Variants in TCN2 observed in about 807,000 individuals in gnomAD.
The protein encoded by TCN2 is transcobalamin-2.
TCN2 carries 34 observed loss-of-function variants against 48.6 expected under a neutral mutation model. The ratio of observed to expected loss-of-function variants is 0.70; its 90% CI spans 0.53 to 0.93. TCN2 has a LOEUF of 0.93. Among genes scored for constraint, TCN2 ranks in the 40% least tolerant of loss-of-function variants. TCN2 has a pLI of 0.00. For synonymous variants in TCN2, 283 were observed against 212.5 expected (o/e 1.33, Z -2.89); for missense variants, 652 against 526.1 (o/e 1.24, Z -2.34).
At chr22:30,609,506 C>T (rs901181426) in intron 1 of TCN2, among the ~76,000 whole-genome samples, 2 of 151,976 alleles carry the variant, frequency 1.3e-5, no homozygotes, top group Non-Finnish European at 2.9e-5. Flanking sequence ...GCTGACTCAT[C>T]GTGCTGGAAG....
chr22:30,618,093 G>A (rs1161791889), intron 7 of TCN2, among the ~76,000 whole-genome samples: 4 of 149,156 alleles, frequency 2.7e-5, no homozygotes, highest in African/African-American at 9.9e-5. Flanking sequence ...CTATAGGCAC[G>A]TGCCACACAA....
At chr22:30,610,264 C>T (rs937218501) in intron 1 of TCN2, 2 of 471,176 alleles carry the variant, frequency 4.2e-6, no homozygotes, top group East Asian at 6.9e-5. Flanking sequence ...ATTTTGAGAT[C>T]TGCATGGAGG....
intron 1 of TCN2, chr22:30,610,133 C>G (rs1302598851): frequency 2.2e-6 from 1 of 460,180 alleles, no homozygotes; most frequent in Non-Finnish European, 4.5e-6. Context: ...ATTTTCGTTG[C>G]ACAGCTTCGA....
Position 30,623,043 on chromosome 22 carries a change from C to A in TCN2, c.1182C>A (p.Phe394Leu). ...GGAAAGCGGCCGGAGAAAGGGAGTT[C>A]TGGCAGCTTCTCCGAGACCCCAACA... ...VMGKAAGERE[F>L]WQLLRDPNTP... Residue 394 changes from phenylalanine to leucine, a missense_variant, in exon 8 of 9, where the codon TTC (phenylalanine) becomes TTA (leucine). Coordinates refer to ENST00000215838, the MANE Select transcript of TCN2 (RefSeq NM_000355.4). The A allele has an allele frequency of 6.2e-7, 1 of 1,614,060 alleles. No homozygotes were observed. Among genetic ancestry groups the A allele is most frequent in the African/African-American group, 1.3e-5 (1 of 74,992 alleles).
intron 8 of TCN2, among the ~76,000 whole-genome samples, chr22:30,623,739 TATATAC>T (rs1470348173): frequency 1.3e-5 from 1 of 74,178 alleles, no homozygotes; most frequent in East Asian, 2.8e-4. Flanking sequence ...TGTATACATA[TATATAC>T]ACACATATAT....
chr22:30,624,078 A>ATT lies in TCN2; in HGVS notation c.1222+996_1222+997insTT, dbSNP rs1450381676. Among the ~76,000 whole-genome samples the ATT allele has an allele frequency of 1.0e-3, 84 of 80,366 alleles. 21 individuals carry two copies. The highest frequency in any genetic ancestry group is 1.7e-3 in the Non-Finnish European group (71 of 42,292). 52.7% of individuals were successfully genotyped at this position (80,366 alleles called of 152,430 possible). On this transcript the variant is annotated intron_variant, in intron 8 of 8. Transcript: ENST00000215838. ...CACACACACATATATATATATATAT[A>ATT]TATTTTTTTTTTTTGAGATGGAGTC...
chr22:30,626,667 A>G lies in TCN2; in HGVS notation c.*146A>G. On this transcript the variant is annotated 3_prime_UTR_variant, in exon 9 of 9. Transcript: ENST00000215838. ...TGCCCCCTGGGATCACCCCAGCCAC[A>G]AGCCCTTCGAGGGCCCTATACCATG... 3.4e-6 allele frequency: 3 copies of G among 880,078 alleles called. No homozygotes were observed. Among genetic ancestry groups the G allele is most frequent in the Middle Eastern group, 3.2e-4 (1 of 3,090 alleles). The allele number at this position is 880,078 out of a possible 1,614,324, so 54.5% of individuals were successfully genotyped here.
In TCN2 at chr22:30,617,414, C is replaced by T. The variant is rs1488789147; in HGVS notation, c.1025C>T (p.Pro342Leu). 17 of 1,613,986 alleles carry T rather than the reference C, an allele frequency of 1.1e-5. No individual in the cohort carries two copies. Among genetic ancestry groups the T allele is most frequent in the Non-Finnish European group, 1.4e-5 (16 of 1,180,022 alleles). ...CTGCAGGTGCTTAGTCTCTTGCCGC[C>T]GTACAGACAGTCCATCTCTGTTCTG... ...VTLQVLSLLP[P>L]YRQSISVLAG... Residue 342 changes from proline to leucine, a missense_variant, in exon 7 of 9, where the codon CCG becomes CTG. Physicochemically the swap from Pro to Leu is moderately conservative, Grantham distance 98. Coordinates refer to ENST00000215838, the MANE Select transcript of TCN2 (RefSeq NM_000355.4).
At chr22:30,624,939 G>A (rs188659028) in intron 8 of TCN2, among the ~76,000 whole-genome samples, 8 of 152,248 alleles carry the variant, frequency 5.3e-5, no homozygotes, top group Admixed American at 2.0e-4. Flanking sequence ...AAATGAGGCC[G>A]GGTGCGGTGG....
chr22:30,607,303 T>C lies in TCN2; in HGVS notation c.-29T>C. On this transcript the variant is annotated 5_prime_UTR_variant, in exon 1 of 9. Coordinates refer to ENST00000215838, the MANE Select transcript of TCN2 (RefSeq NM_000355.4). Reference sequence around the variant, plus strand: ...AGCCCCAGGAGTCTTTCCCGATTCTTGCTCACTGCTCACCCACCTGCTGCT... The same window carrying C: ...AGCCCCAGGAGTCTTTCCCGATTCTCGCTCACTGCTCACCCACCTGCTGCT... The C allele has an allele frequency of 6.2e-7, 1 of 1,614,026 alleles. No individual in the cohort carries two copies.
intron 7 of TCN2, among the ~76,000 whole-genome samples, chr22:30,617,935 TTTG>T (rs1321771634): frequency 1.3e-5 from 2 of 151,866 alleles, no homozygotes; most frequent in African/African-American, 4.8e-5. Context: ...CTGTTTTTTG[TTTG>T]TTTGTTTGTT....
chr22:30,626,965 C>T lies in TCN2; in HGVS notation c.*444C>T, dbSNP rs10418. 0.25 allele frequency: 67,094 copies of T among 268,302 alleles called. 8,787 individuals carry two copies. The highest frequency in any genetic ancestry group is 0.35 in the African/African-American group (15,929 of 45,910). 16.6% of individuals were successfully genotyped at this position (268,302 alleles called of 1,614,324 possible). A position where few individuals can be genotyped will look rare whatever the true frequency, so the allele number is the denominator to read the frequency against. ...CACTCTGCTGTTAGAGTGGCAGCTC[C>T]GAGCTGGTTGTGGCACAGTAGCTGG... On this transcript the variant is annotated 3_prime_UTR_variant, in exon 9 of 9. Coordinates refer to ENST00000215838, the MANE Select transcript of TCN2 (RefSeq NM_000355.4).
intron 8 of TCN2, 49 bp from the exon 9 acceptor site, chr22:30,626,411 T>C (rs780287298): frequency 1.3e-6 from 2 of 1,590,810 alleles, no homozygotes; most frequent in East Asian, 2.2e-5. Context: ...GGTTGCGGGG[T>C]GCGATATTCT....
intron 2 of TCN2, among the ~76,000 whole-genome samples, chr22:30,611,400 G>A (rs1462362887): frequency 1.3e-5 from 2 of 152,126 alleles, no homozygotes; most frequent in Admixed American, 1.3e-4. Context: ...ATCGATGACT[G>A]CAGTCTTCTA....
Position 30,607,342 on chromosome 22 carries a change from T to G in TCN2, c.11T>G (p.Leu4Arg). The change falls in exon 1 of 9, where the codon CTT (leucine) becomes CGT (arginine). Residue 4 changes from leucine to arginine, a missense_variant. Transcript: ENST00000215838. MRH[L>R]GAFLFLLGVL... ...CCACCTGCTGCTGCCATGAGGCACC[T>G]TGGGGCCTTCCTCTTCCTTCTGGGG... The G allele has an allele frequency of 6.2e-7, 1 of 1,614,174 alleles. No individual in the cohort carries two copies. Among genetic ancestry groups the G allele is most frequent in the Non-Finnish European group, 8.5e-7 (1 of 1,180,022 alleles).
At chr22:30,621,055 C>T (rs1372339672) in intron 7 of TCN2, among the ~76,000 whole-genome samples, 7 of 152,254 alleles carry the variant, frequency 4.6e-5, no homozygotes, top group Admixed American at 2.6e-4. Context: ...TGCAGTGGCA[C>T]GATCTCGGCT....
At chr22:30,622,923 A>C in intron 7 of TCN2, 45 bp from the exon 8 acceptor site, 1 of 1,599,212 alleles carries the variant, frequency 6.3e-7, no homozygotes, top group Non-Finnish European at 8.6e-7. Context: ...CCCCTTAGGG[A>C]CAACAGCCAC....
intron 2 of TCN2, among the ~76,000 whole-genome samples, chr22:30,611,899 T>A (rs2087547149): frequency 1.3e-5 from 2 of 151,986 alleles, no homozygotes; most frequent in Admixed American, 1.3e-4. Context: ...AGCCATGGAG[T>A]GCCTCTTTCT....
At chr22:30,608,159 G>A (rs532473851) in intron 1 of TCN2, among the ~76,000 whole-genome samples, 7 of 152,258 alleles carry the variant, frequency 4.6e-5, no homozygotes, top group South Asian at 2.1e-4. Flanking sequence ...ACTTTGGGCC[G>A]CCCACGCGCC....
Sources: gnomAD v4.1 joint callset for allele counts (sites outside exome capture counted in the v4.1 genomes callset) on GRCh38, gnomAD v4.1.1 for gene constraint, MANE v1.5 for transcripts, NCBI Gene and HGNC (gene_info 2026-07-23, HGNC 2026-07-21) for gene names.